The following CRPPA variants were observed in gnomAD, a reference collection of about 807,000 sequenced individuals.
CRPPA encodes CDP-L-ribitol pyrophosphorylase A.
CRPPA carries 43 observed loss-of-function variants against 52.0 expected under a neutral mutation model. That is an observed-to-expected ratio of 0.83 (90% confidence interval 0.65 to 1.07). CRPPA has a LOEUF of 1.07. CRPPA is among the 50% of genes least tolerant of loss of function. The pLI, the probability that CRPPA is intolerant of heterozygous loss-of-function variation, is 0.00. For missense variants in CRPPA, 629 were observed against 551.7 expected (o/e 1.14, Z -1.40); for synonymous variants, 250 against 203.5 (o/e 1.23, Z -1.94).
intron 2 of CRPPA, among the ~76,000 whole-genome samples, chr7:16,401,929 A>G (rs1367000021): frequency 6.6e-6 from 1 of 152,210 alleles, no homozygotes; most frequent in Non-Finnish European, 1.5e-5. Context: ...GACTCAAACA[A>G]TCACCTAAGA....
At chr7:16,375,012 AC>A (rs1217194325) in intron 3 of CRPPA, among the ~76,000 whole-genome samples, 6 of 152,108 alleles carry the variant, frequency 3.9e-5, no homozygotes, top group African/African-American at 1.4e-4. Context: ...CTCAGTCCTC[AC>A]TTTTTAGAAA....
chr7:16,359,195 C>G (rs542901562), intron 3 of CRPPA, among the ~76,000 whole-genome samples: 17 of 152,292 alleles, frequency 1.1e-4, no homozygotes, highest in Admixed American at 3.9e-4. Flanking sequence ...AATCATAGCT[C>G]ACTGTAACCT....
intron 8 of CRPPA, among the ~76,000 whole-genome samples, chr7:16,239,978 C>G (rs1458805157): frequency 6.6e-6 from 1 of 151,998 alleles, no homozygotes; most frequent in African/African-American, 2.4e-5. Context: ...AGAATGAATA[C>G]TAGCGAGGTA....
At chr7:16,227,215 T>C (rs950418736) in intron 8 of CRPPA, among the ~76,000 whole-genome samples, 2 of 152,002 alleles carry the variant, frequency 1.3e-5, no homozygotes, top group African/African-American at 4.8e-5. Context: ...CAGATGTCTC[T>C]TTGAAATAAT....
chr7:16,190,184 C>T (rs1030486319), intron 9 of CRPPA, among the ~76,000 whole-genome samples: 22 of 152,300 alleles, frequency 1.4e-4, no homozygotes, highest in East Asian at 5.8e-4. Context: ...CAGATATCTA[C>T]TAGCATGTGC....
chr7:16,352,855 G>A (rs1245929577), intron 3 of CRPPA, among the ~76,000 whole-genome samples: 2 of 145,468 alleles, frequency 1.4e-5, no homozygotes, highest in African/African-American at 2.6e-5. Context: ...AGCGACCAAA[G>A]GTCACAAGGA....
intron 8 of CRPPA, among the ~76,000 whole-genome samples, chr7:16,248,905 G>A (rs1403948387): frequency 6.6e-6 from 1 of 152,132 alleles, no homozygotes; most frequent in Admixed American, 6.5e-5. Context: ...CAGACCCAGA[G>A]ATTCCCTCCA....
intron 8 of CRPPA, among the ~76,000 whole-genome samples, chr7:16,244,490 A>C (rs1289022680): frequency 6.6e-6 from 1 of 152,188 alleles, no homozygotes; most frequent in Non-Finnish European, 1.5e-5. Flanking sequence ...GGGAATTCCA[A>C]AGTATTTTTA....
chr7:16,349,467 A>C (rs1349325438), intron 3 of CRPPA, among the ~76,000 whole-genome samples: 1 of 152,342 alleles, frequency 6.6e-6, no homozygotes, highest in South Asian at 2.1e-4. Flanking sequence ...ACCTGAGTGA[A>C]GTGAAGATAT....
At chr7:16,230,521 C>G (rs757212490) in intron 8 of CRPPA, among the ~76,000 whole-genome samples, 1 of 152,058 alleles carries the variant, frequency 6.6e-6, no homozygotes, top group Non-Finnish European at 1.5e-5. Context: ...GATTATATTT[C>G]ACATTCTGGT....
intron 8 of CRPPA, among the ~76,000 whole-genome samples, chr7:16,227,665 T>C (rs1340482173): frequency 6.6e-6 from 1 of 151,844 alleles, no homozygotes; most frequent in Non-Finnish European, 1.5e-5. Flanking sequence ...TATGTATAGT[T>C]CGCATATGAG....
chr7:16,334,086 C>A (rs1386807815), intron 3 of CRPPA, among the ~76,000 whole-genome samples: 1 of 152,042 alleles, frequency 6.6e-6, no homozygotes, highest in African/African-American at 2.4e-5. Flanking sequence ...GGGTTGAGGG[C>A]CACCAACTCA....
intron 3 of CRPPA, among the ~76,000 whole-genome samples, chr7:16,354,896 C>G (rs756391013): frequency 6.6e-6 from 1 of 152,032 alleles, no homozygotes; most frequent in Non-Finnish European, 1.5e-5. Flanking sequence ...TAAAACTAAA[C>G]AGCAAAGTTA....
intron 3 of CRPPA, among the ~76,000 whole-genome samples, chr7:16,337,533 T>G (rs1785716562): frequency 6.6e-6 from 1 of 151,266 alleles, no homozygotes; most frequent in Admixed American, 6.6e-5. Flanking sequence ...TTAGAAAAAG[T>G]AAAGAACATC....
chr7:16,106,408 G>A (rs1184798917), intron 9 of CRPPA, among the ~76,000 whole-genome samples: 1 of 152,178 alleles, frequency 6.6e-6, no homozygotes, highest in Non-Finnish European at 1.5e-5. Context: ...TCCAGGGAGT[G>A]TATCTTGTGA....
chr7:16,148,829 A>T (rs1783022592), intron 9 of CRPPA, among the ~76,000 whole-genome samples: 1 of 152,092 alleles, frequency 6.6e-6, no homozygotes, highest in South Asian at 2.1e-4. Context: ...AATGTTCCCA[A>T]CACAAAGAAT....
chr7:16,099,565 C>T (rs1270974642), intron 9 of CRPPA, among the ~76,000 whole-genome samples: 1 of 152,000 alleles, frequency 6.6e-6, no homozygotes, highest in African/African-American at 2.4e-5. Flanking sequence ...TTCAGTAAAA[C>T]CCTGTAAGGC....
chr7:16,251,236 A>G (rs1380907952), intron 8 of CRPPA, among the ~76,000 whole-genome samples: 1 of 152,214 alleles, frequency 6.6e-6, no homozygotes, highest in African/African-American at 2.4e-5. Flanking sequence ...GCAAGTTCTT[A>G]GAGACCTACA....
chr7:16,158,349 G>C (rs914695214), intron 9 of CRPPA, among the ~76,000 whole-genome samples: 1 of 152,018 alleles, frequency 6.6e-6, no homozygotes, highest in Admixed American at 6.5e-5. Flanking sequence ...CTAGGAAGTA[G>C]GAACCCCGAT....
Sources: gnomAD v4.1 joint callset for allele counts (sites outside exome capture counted in the v4.1 genomes callset) on GRCh38, gnomAD v4.1.1 for gene constraint, MANE v1.5 for transcripts, NCBI Gene and HGNC (gene_info 2026-07-23, HGNC 2026-07-21) for gene names.